Variants in CPED1 observed in about 807,000 individuals in gnomAD.
CPED1 encodes the protein cadherin like and PC-esterase domain containing 1.
CPED1 carries 114 observed loss-of-function variants against 128.2 expected under a neutral mutation model. That is an observed-to-expected ratio of 0.89 (90% CI 0.76 to 1.04). The LOEUF (loss-of-function observed/expected upper bound fraction) is 1.04, where lower values mean the gene tolerates loss of function less well. CPED1 is among the 50% of genes least tolerant of loss of function. CPED1 has a pLI of 0.00. For missense variants in CPED1, 1,211 were observed against 1,207.1 expected, an observed-to-expected ratio of 1.00 and a Z score of -0.05; for synonymous variants, 462 against 426.7, an observed-to-expected ratio of 1.08 and a Z score of -1.02.
chr7:120,992,356 C>T (rs538002485), intron 2 of CPED1, among the ~76,000 whole-genome samples: 1 of 152,110 alleles, frequency 6.6e-6, no homozygotes, highest in South Asian at 2.1e-4. Flanking sequence ...CTGATTTTGA[C>T]CTAGGGTTCA....
intron 9 of CPED1, among the ~76,000 whole-genome samples, chr7:121,126,519 G>T (rs974832041): frequency 1.3e-5 from 2 of 151,932 alleles, no homozygotes. Flanking sequence ...TTCTACCTTG[G>T]AATACAGGGT....
intron 5 of CPED1, among the ~76,000 whole-genome samples, chr7:121,066,918 G>A (rs1050608333): frequency 2.0e-5 from 3 of 152,126 alleles, no homozygotes; most frequent in Non-Finnish European, 4.4e-5. Flanking sequence ...GAAGTGATAT[G>A]CAGGCATTGT....
At chr7:121,006,859 G>A (rs1017475588) in intron 2 of CPED1, among the ~76,000 whole-genome samples, 1 of 152,046 alleles carries the variant, frequency 6.6e-6, no homozygotes, top group Non-Finnish European at 1.5e-5. Flanking sequence ...TGAAGAGGAG[G>A]CTGAAAAAGA....
chr7:121,268,460 A>G (rs1792172935), intron 21 of CPED1, among the ~76,000 whole-genome samples: 1 of 152,130 alleles, frequency 6.6e-6, no homozygotes, highest in Admixed American at 6.6e-5. Flanking sequence ...AAACTGAGTG[A>G]AGACAGAAGG....
At chr7:121,232,240 GC>G (rs1400563851) in intron 16 of CPED1, among the ~76,000 whole-genome samples, 1 of 152,114 alleles carries the variant, frequency 6.6e-6, no homozygotes, top group Non-Finnish European at 1.5e-5. Context: ...TTTTCCCTGT[GC>G]CGGGATGGGT....
chr7:121,037,398 C>T (rs917524217), intron 3 of CPED1, among the ~76,000 whole-genome samples: 1 of 151,294 alleles, frequency 6.6e-6, no homozygotes, highest in African/African-American at 2.5e-5. Flanking sequence ...AATAGGGTGT[C>T]CTTTCCACAC....
At chr7:121,145,366 A>C (rs4730994) in intron 16 of CPED1, among the ~76,000 whole-genome samples, 65,297 of 151,842 alleles carry the variant, frequency 0.43, 15,540 homozygotes, top group East Asian at 0.84. Flanking sequence ...TTGTGGGATG[A>C]ATCCTACAGA....
At chr7:121,193,085 G>A (rs1310037958) in intron 16 of CPED1, among the ~76,000 whole-genome samples, 1 of 152,104 alleles carries the variant, frequency 6.6e-6, no homozygotes, top group African/African-American at 2.4e-5. Context: ...CTTCTGATCT[G>A]TTTCATTTAT....
chr7:121,144,954 A>C (rs956873751), intron 16 of CPED1, among the ~76,000 whole-genome samples: 4 of 152,022 alleles, frequency 2.6e-5, no homozygotes, highest in Non-Finnish European at 5.9e-5. Context: ...AGTTACTAGA[A>C]GGTGTAGGTA....
intron 5 of CPED1, among the ~76,000 whole-genome samples, chr7:121,078,498 GAAAAA>G (rs529856618): frequency 2.8e-4 from 29 of 101,862 alleles, no homozygotes; most frequent in African/African-American, 7.2e-4. Context: ...AAGAAAGAAA[GAAAAA>G]AAAAAAAAAA....
At chr7:121,069,269 G>C (rs1447188661) in intron 5 of CPED1, among the ~76,000 whole-genome samples, 2 of 152,116 alleles carry the variant, frequency 1.3e-5, no homozygotes, top group Admixed American at 6.5e-5. Context: ...GTATAATTCT[G>C]AGCAAGACTT....
At chr7:121,238,405 C>T (rs1377168878) in intron 17 of CPED1, among the ~76,000 whole-genome samples, 1 of 152,122 alleles carries the variant, frequency 6.6e-6, no homozygotes, top group Non-Finnish European at 1.5e-5. Flanking sequence ...TTTTTGTCCA[C>T]ACTGTTCCCT....
At chr7:121,187,357 C>G (rs993408831) in intron 16 of CPED1, among the ~76,000 whole-genome samples, 2 of 151,960 alleles carry the variant, frequency 1.3e-5, no homozygotes, top group Admixed American at 6.6e-5. Context: ...ACTGCTGTTT[C>G]AAAGGTTTGT....
At chr7:121,192,563 C>A (rs1345932114) in intron 16 of CPED1, among the ~76,000 whole-genome samples, 1 of 152,078 alleles carries the variant, frequency 6.6e-6, no homozygotes, top group Non-Finnish European at 1.5e-5. Flanking sequence ...TTAAGTTATT[C>A]TTTGTACCCG....
chr7:121,210,749 G>A (rs1797624630), intron 16 of CPED1, among the ~76,000 whole-genome samples: 1 of 151,800 alleles, frequency 6.6e-6, no homozygotes, highest in African/African-American at 2.4e-5. Flanking sequence ...TTGATAGCAC[G>A]AGAGTGACTA....
chr7:121,098,612 G>A (rs1794755847), intron 6 of CPED1, among the ~76,000 whole-genome samples: 1 of 151,048 alleles, frequency 6.6e-6, no homozygotes, highest in Admixed American at 6.6e-5. Context: ...CATGCCTGTG[G>A]TCTCAGCTAC....
intron 16 of CPED1, among the ~76,000 whole-genome samples, chr7:121,229,541 A>G (rs1798091082): frequency 6.6e-6 from 1 of 152,056 alleles, no homozygotes; most frequent in Non-Finnish European, 1.5e-5. Context: ...ATGGGAAACC[A>G]TTAGAAATCT....
At chr7:121,135,308 G>C (rs1033760136) in intron 13 of CPED1, among the ~76,000 whole-genome samples, 1 of 152,002 alleles carries the variant, frequency 6.6e-6, no homozygotes, top group Admixed American at 6.6e-5. Context: ...TTAGTTCAAA[G>C]TTGTTCTATT....
intron 7 of CPED1, among the ~76,000 whole-genome samples, chr7:121,119,799 T>C (rs943451194): frequency 6.6e-6 from 1 of 152,082 alleles, no homozygotes; most frequent in African/African-American, 2.4e-5. Context: ...ACTGAAATTA[T>C]ATACCCAGTA....
Sources: allele counts gnomAD v4.1 joint callset (sites outside exome capture counted in the v4.1 genomes callset), GRCh38; gene constraint gnomAD v4.1.1; transcripts MANE v1.5; gene names NCBI Gene and HGNC (gene_info 2026-07-23, HGNC 2026-07-21).